The following SORCS2 variants were observed in gnomAD, a reference collection of about 807,000 sequenced individuals.
SORCS2 encodes sortilin related VPS10 domain containing receptor 2.
In SORCS2, 100 loss-of-function variants were observed where a neutral mutation model predicts 141.6. The ratio of observed to expected loss-of-function variants is 0.71; its 90% CI spans 0.60 to 0.83. The LOEUF (loss-of-function observed/expected upper bound fraction) is 0.83, where lower values mean the gene tolerates loss of function less well. Ranked by LOEUF, SORCS2 falls within the 40% of genes least tolerant of loss-of-function variation. The pLI, the probability that SORCS2 is intolerant of heterozygous loss-of-function variation, is 0.00. For missense variants in SORCS2, 1,646 were observed against 1,560.2 expected, an observed-to-expected ratio of 1.05 and a Z score of -0.93; for synonymous variants, 789 against 676.9, an observed-to-expected ratio of 1.17 and a Z score of -2.57.
At chr4:7,639,703 G>C (rs1720519686) in intron 4 of SORCS2, among the ~76,000 whole-genome samples, 1 of 150,918 alleles carries the variant, frequency 6.6e-6, no homozygotes, top group Non-Finnish European at 1.5e-5. Context: ...GTCTGTGTGT[G>C]AATGTGTGTT....
chr4:7,262,548 C>G (rs891957864), intron 1 of SORCS2, among the ~76,000 whole-genome samples: 6 of 152,168 alleles, frequency 3.9e-5, no homozygotes, highest in African/African-American at 1.4e-4. Flanking sequence ...AGATGAGAAG[C>G]AAATCAACAA....
At chr4:7,640,759 TG>T (rs2108870992) in intron 4 of SORCS2, among the ~76,000 whole-genome samples, 1 of 151,966 alleles carries the variant, frequency 6.6e-6, no homozygotes, top group East Asian at 1.9e-4. Flanking sequence ...CAACAGGAGG[TG>T]TGGGCTCCAC....
chr4:7,223,297 A>G (rs199845732), intron 1 of SORCS2, among the ~76,000 whole-genome samples: 33 of 25,314 alleles, frequency 1.3e-3, no homozygotes, highest in East Asian at 4.4e-3. Context: ...GTATATGCGC[A>G]CACACACACA....
intron 3 of SORCS2, among the ~76,000 whole-genome samples, chr4:7,621,593 GTGTC>G (rs1195504460): frequency 1.3e-5 from 2 of 152,214 alleles, no homozygotes; most frequent in East Asian, 3.9e-4. Flanking sequence ...GTTTATGTGT[GTGTC>G]TATGTGTGTG....
At chr4:7,559,531 G>T (rs1714379531) in intron 3 of SORCS2, among the ~76,000 whole-genome samples, 1 of 152,146 alleles carries the variant, frequency 6.6e-6, no homozygotes, top group African/African-American at 2.4e-5. Flanking sequence ...TCTAGGGAGT[G>T]GTGCCAGCGG....
At chr4:7,374,267 A>G (rs948562582) in intron 1 of SORCS2, among the ~76,000 whole-genome samples, 6 of 151,862 alleles carry the variant, frequency 4.0e-5, no homozygotes, top group African/African-American at 9.7e-5. Context: ...GGTATTGGAA[A>G]GAGAGATGTG....
intron 1 of SORCS2, among the ~76,000 whole-genome samples, chr4:7,395,532 C>A (rs1425038605): frequency 6.6e-6 from 1 of 152,158 alleles, no homozygotes; most frequent in Non-Finnish European, 1.5e-5. Context: ...TTATTCCCCA[C>A]CCCCCAACTT....
At chr4:7,598,881 G>C (rs1323440627) in intron 3 of SORCS2, among the ~76,000 whole-genome samples, 1 of 152,214 alleles carries the variant, frequency 6.6e-6, no homozygotes, top group Non-Finnish European at 1.5e-5. Flanking sequence ...TATGGTTAAG[G>C]TGTCACTGCC....
chr4:7,703,186 C>G (rs1041101058), intron 12 of SORCS2, 94 bp from the exon 13 acceptor site: 2 of 973,310 alleles, frequency 2.1e-6, no homozygotes, highest in Non-Finnish European at 3.0e-6. Flanking sequence ...CCCCCGGCTG[C>G]ACATTGACAA....
chr4:7,409,426 A>G (rs1442176195), intron 2 of SORCS2, among the ~76,000 whole-genome samples: 4 of 152,022 alleles, frequency 2.6e-5, no homozygotes, highest in Non-Finnish European at 4.4e-5. Flanking sequence ...CTGAACAGAC[A>G]CTCTGATTTG....
In SORCS2 at chr4:7,740,359, G is replaced by A; in HGVS notation, c.*95G>A. 6.0e-6 allele frequency: 7 copies of A among 1,173,242 alleles called. No individual in the cohort carries two copies. The highest frequency in any genetic ancestry group is 8.6e-6 in the Non-Finnish European group (7 of 813,142). 72.7% of individuals were successfully genotyped at this position (1,173,242 alleles called of 1,614,324 possible). ...GGCGCCCCTCAGAGACCTGCGGAAAGCCCCCTCCCTGAGTCGTCGCCACAC... is the reference window on the plus strand; with the variant it reads ...GGCGCCCCTCAGAGACCTGCGGAAAACCCCCTCCCTGAGTCGTCGCCACAC... On this transcript the variant is annotated 3_prime_UTR_variant, in exon 27 of 27. Transcript: ENST00000507866.
At chr4:7,344,494 T>G (rs79162347) in intron 1 of SORCS2, among the ~76,000 whole-genome samples, 22,895 of 152,180 alleles carry the variant, frequency 0.15, 2,024 homozygotes, top group Non-Finnish European at 0.2. Flanking sequence ...ATCACCTGGG[T>G]CCACAGAACA....
chr4:7,615,618 A>T (rs771444021), intron 3 of SORCS2, among the ~76,000 whole-genome samples: 38 of 152,124 alleles, frequency 2.5e-4, no homozygotes, highest in Admixed American at 7.2e-4. Context: ...GTGCTTTTCC[A>T]TCACCTGAAA....
chr4:7,660,911 C>T (rs890089254), intron 5 of SORCS2, among the ~76,000 whole-genome samples: 4 of 152,098 alleles, frequency 2.6e-5, no homozygotes, highest in Non-Finnish European at 4.4e-5. Context: ...AGCAATCTTC[C>T]CAAGGCCACA....
chr4:7,467,317 C>T (rs113583205), intron 2 of SORCS2, among the ~76,000 whole-genome samples: 2,373 of 152,226 alleles, frequency 0.016, 63 homozygotes, highest in African/African-American at 0.054. Context: ...TGGAAGGGTC[C>T]CTAGGGCTCC....
chr4:7,404,842 G>A (rs915767460), intron 2 of SORCS2, among the ~76,000 whole-genome samples: 2 of 152,060 alleles, frequency 1.3e-5, no homozygotes, highest in African/African-American at 4.8e-5. Flanking sequence ...TTGCTGTGTG[G>A]AAGCTTTTCA....
At chr4:7,474,241 G>A (rs1025989188) in intron 2 of SORCS2, among the ~76,000 whole-genome samples, 1 of 152,208 alleles carries the variant, frequency 6.6e-6, no homozygotes, top group African/African-American at 2.4e-5. Flanking sequence ...ATTTGAAAAT[G>A]GGTTGGAGGC....
chr4:7,381,478 C>T (rs1388095428), intron 1 of SORCS2, among the ~76,000 whole-genome samples: 4 of 152,202 alleles, frequency 2.6e-5, no homozygotes, highest in Admixed American at 6.5e-5. Flanking sequence ...AAGGGTCCCT[C>T]CCTGCAGGAA....
rs79294228 is a variant in SORCS2 at position 7,732,344 on chromosome 4, A to T, written c.3109-978A>T. On this transcript the variant is annotated intron_variant, in intron 23 of 26. Transcript: ENST00000507866. Reference sequence around the variant, plus strand: ...CTCTGAGCCCACCCAGCCCTGGGTGATGACTGATGCTTGGACCTGGGAAGT... The same window carrying T: ...CTCTGAGCCCACCCAGCCCTGGGTGTTGACTGATGCTTGGACCTGGGAAGT... 5.8e-3 allele frequency among the ~76,000 whole-genome samples: 885 copies of T among 152,286 alleles called. 3 individuals carry two copies. Among genetic ancestry groups the T allele is most frequent in the Non-Finnish European group, 9.8e-3 (666 of 68,008 alleles).
Sources: allele counts gnomAD v4.1 joint callset (sites outside exome capture counted in the v4.1 genomes callset), GRCh38; gene constraint gnomAD v4.1.1; transcripts MANE v1.5; gene names NCBI Gene and HGNC (gene_info 2026-07-23, HGNC 2026-07-21).